Variants in C8orf34 observed in about 807,000 individuals in gnomAD.
The protein encoded by C8orf34 is chromosome 8 open reading frame 34.
Under a neutral mutation model 68.3 loss-of-function variants are expected in C8orf34, and 65 were observed. The ratio of observed to expected loss-of-function variants is 0.95; its 90% CI spans 0.78 to 1.17. C8orf34 has a LOEUF of 1.17. Ranked by LOEUF, C8orf34 falls within the 50% of genes most tolerant of loss-of-function variation. The pLI is 0.00. For synonymous variants in C8orf34, 244 were observed against 241.2 expected (o/e 1.01, Z -0.11); for missense variants, 664 against 655.4 (o/e 1.01, Z -0.14).
intron 3 of C8orf34, among the ~76,000 whole-genome samples, chr8:68,449,003 G>A (rs1811234525): frequency 6.6e-6 from 1 of 151,906 alleles, no homozygotes; most frequent in African/African-American, 2.4e-5. Flanking sequence ...CTCAATACAT[G>A]ACACAAAAAT....
chr8:68,765,552 C>T (rs1243885563), intron 10 of C8orf34, among the ~76,000 whole-genome samples: 1 of 152,008 alleles, frequency 6.6e-6, no homozygotes, highest in African/African-American at 2.4e-5. Flanking sequence ...AAATTAAAAC[C>T]CCCACTATTT....
rs113906804 is a variant in C8orf34, at chr8:68,375,699, A to G, written c.327+44360A>G. ...ATTACCTTGTTTAGAAAAACAAAAC[A>G]CAAACTACTTAAAATATGTGTGTGT... On this transcript the variant is annotated intron_variant, in intron 1 of 13. Coordinates refer to ENST00000518698, the MANE Select transcript of C8orf34 (RefSeq NM_052958.4). Among the ~76,000 whole-genome samples the G allele has an allele frequency of 8.8e-3, 1,340 of 152,318 alleles. 19 individuals are homozygous for G. The highest frequency in any genetic ancestry group is 0.03 in the African/African-American group (1,259 of 41,574).
chr8:68,397,201 TC>T (rs1230137339), intron 1 of C8orf34, among the ~76,000 whole-genome samples: 1 of 151,892 alleles, frequency 6.6e-6, no homozygotes, highest in Non-Finnish European at 1.5e-5. Flanking sequence ...AGACAAGGTT[TC>T]CATGTTGGCC....
At position 68,495,636 on chromosome 8, in the gene C8orf34, G is replaced by C. The variant is rs373926590; in HGVS notation, c.765+7585G>C. Among the ~76,000 whole-genome samples the C allele has an allele frequency of 3.5e-3, 534 of 152,290 alleles. 5 individuals carry two copies. The highest frequency in any genetic ancestry group is 0.029 in the South Asian group (140 of 4,828). On this transcript the variant is annotated intron_variant, in intron 5 of 13. Coordinates refer to ENST00000518698, the MANE Select transcript of C8orf34 (RefSeq NM_052958.4). ...ACAATTATATCATATTTATGAGACA[G>C]GTGCTATTATTCACCAGTTTAACAG...
At chr8:68,337,622 A>C (rs1805906075) in intron 1 of C8orf34, among the ~76,000 whole-genome samples, 1 of 152,214 alleles carries the variant, frequency 6.6e-6, no homozygotes, top group African/African-American at 2.4e-5. Context: ...TCTATAATTT[A>C]AAATTACCTT....
At chr8:68,385,798 T>C (rs1808234030) in intron 1 of C8orf34, among the ~76,000 whole-genome samples, 1 of 152,196 alleles carries the variant, frequency 6.6e-6, no homozygotes, top group Non-Finnish European at 1.5e-5. Context: ...TGATGATTGG[T>C]ATGAGCCTGG....
chr8:68,818,130 G>T, intron 13 of C8orf34, 109 bp from the exon 14 acceptor site: 2 of 1,072,320 alleles, frequency 1.9e-6, no homozygotes, highest in Admixed American at 3.9e-5. Flanking sequence ...CCTTTCAAAA[G>T]TTCATTGGAA....
At chr8:68,678,244 A>T (rs1820253710) in intron 8 of C8orf34, among the ~76,000 whole-genome samples, 1 of 152,204 alleles carries the variant, frequency 6.6e-6, no homozygotes, top group Admixed American at 6.6e-5. Flanking sequence ...CCCAAATCAG[A>T]CAAAGACACA....
In C8orf34 at chr8:68,425,982, C is replaced by G. The variant is rs558981458; in HGVS notation, c.328-13517C>G. On this transcript the variant is annotated intron_variant, in intron 1 of 13. Coordinates refer to ENST00000518698, the MANE Select transcript of C8orf34 (RefSeq NM_052958.4). The stretch of plus-strand genomic sequence containing the variant: ...GAGCATTTGTAGGGAAAAATTGACT[C>G]TTGACCTTAAACATTGCGTCTTATG... 3.9e-5 allele frequency among the ~76,000 whole-genome samples: 6 copies of G among 152,230 alleles called. No individual in the cohort carries two copies. The South Asian group carries it at 6.2e-4, about 16-fold the overall frequency.
chr8:68,531,105 T>C (rs577355306), intron 6 of C8orf34, among the ~76,000 whole-genome samples: 3 of 152,226 alleles, frequency 2.0e-5, no homozygotes, highest in African/African-American at 7.2e-5. Context: ...TTACAGATTT[T>C]ATAAAATGTT....
rs940609931 is a variant in C8orf34, at chr8:68,331,423, C to T, written c.327+84C>T. On this transcript the variant is annotated intron_variant, in intron 1 of 13. Coordinates refer to ENST00000518698, the MANE Select transcript of C8orf34 (RefSeq NM_052958.4). ...AAAACAGAACACTCCCAATCCCACC[C>T]CTCCCAGGGAAGGAGGGCTAGAGAA... The T allele has an allele frequency of 5.0e-6, 7 of 1,402,240 alleles. No individual in the cohort carries two copies. The African/African-American group carries it at 5.7e-5, about 11-fold the overall frequency. 86.9% of individuals were successfully genotyped at this position (1,402,240 alleles called of 1,614,324 possible). A position where few individuals can be genotyped will look rare whatever the true frequency, so the allele number is the denominator to read the frequency against.
At chr8:68,446,975 A>T (rs1811151187) in intron 3 of C8orf34, 1 of 152,762 alleles carries the variant, frequency 6.5e-6, no homozygotes, top group African/African-American at 2.4e-5. Flanking sequence ...TTTTTATGTT[A>T]CTACAAAGGA....
At chr8:68,609,729 A>G (rs187946846) in intron 7 of C8orf34, among the ~76,000 whole-genome samples, 7 of 152,300 alleles carry the variant, frequency 4.6e-5, no homozygotes, top group African/African-American at 1.7e-4. Flanking sequence ...TTTCCAGGGA[A>G]AATGCTGAAG....
At chr8:68,655,437 T>TA (rs1169820680) in intron 8 of C8orf34, among the ~76,000 whole-genome samples, 1 of 152,178 alleles carries the variant, frequency 6.6e-6, no homozygotes. Flanking sequence ...TTCCCTAACT[T>TA]ACGATGGTTC....
intron 1 of C8orf34, among the ~76,000 whole-genome samples, chr8:68,333,273 G>C (rs938762101): frequency 6.6e-6 from 1 of 152,152 alleles, no homozygotes; most frequent in Non-Finnish European, 1.5e-5. Flanking sequence ...ATAGCAACGT[G>C]TCTCATAAAA....
At chr8:68,726,688 T>G (rs949582020) in intron 10 of C8orf34, among the ~76,000 whole-genome samples, 1 of 151,962 alleles carries the variant, frequency 6.6e-6, no homozygotes, top group African/African-American at 2.4e-5. Context: ...TGGGGAGAGC[T>G]CCGAATCATG....
At chr8:68,598,291 C>A (rs1403199184) in intron 7 of C8orf34, among the ~76,000 whole-genome samples, 1 of 152,118 alleles carries the variant, frequency 6.6e-6, no homozygotes, top group Non-Finnish European at 1.5e-5. Flanking sequence ...CTATTCATAT[C>A]CCCCAAATGT....
rs542791454 is a variant in C8orf34 at position 68,744,788 on chromosome 8, G to A, written c.1404+23351G>A. Among the ~76,000 whole-genome samples, 6 of 152,298 alleles carry A rather than the reference G, an allele frequency of 3.9e-5. No individual in the cohort carries two copies. In the East Asian group the frequency reaches 1.2e-3, roughly 29 times the overall value. On this transcript the variant is annotated intron_variant, in intron 10 of 13. Transcript: ENST00000518698. ...GTACCTGAAAGTGACGGGGAGAATG[G>A]AATCAAGTTGGAAAACACTCTGCAC...
At chr8:68,551,427 A>C (rs1241347353) in intron 7 of C8orf34, among the ~76,000 whole-genome samples, 1 of 151,844 alleles carries the variant, frequency 6.6e-6, no homozygotes, top group Non-Finnish European at 1.5e-5. Context: ...TATCTACTTT[A>C]TCCATTAGAG....
Sources: allele counts gnomAD v4.1 joint callset (sites outside exome capture counted in the v4.1 genomes callset), GRCh38; gene constraint gnomAD v4.1.1; transcripts MANE v1.5; gene names NCBI Gene and HGNC (gene_info 2026-07-23, HGNC 2026-07-21).